Variants in CCDC171 observed in about 807,000 individuals in gnomAD.
The protein encoded by CCDC171 is coiled-coil domain-containing protein 171.
In CCDC171, 177 loss-of-function variants were observed where a neutral mutation model predicts 168.2. The observed-to-expected ratio is 1.05, with a 90% CI of 0.93 to 1.19. The LOEUF is 1.19. CCDC171 is among the 50% of genes most tolerant of loss of function. The pLI, the probability that CCDC171 is intolerant of heterozygous loss-of-function variation, is 0.00. For synonymous variants in CCDC171, 687 were observed against 540.8 expected, an observed-to-expected ratio of 1.27 and a Z score of -3.75; for missense variants, 1,991 against 1,539.0, an observed-to-expected ratio of 1.29 and a Z score of -4.91.
downstream of CCDC171, among the ~76,000 whole-genome samples, chr9:16,065,811 T>G (rs1327984844): frequency 2.0e-5 from 2 of 100,228 alleles, no homozygotes; most frequent in African/African-American, 7.0e-5. Context: ...GTGTGCATGG[T>G]GTGTGTGTGT....
chr9:15,896,703 A>T (rs560307551), intron 24 of CCDC171, among the ~76,000 whole-genome samples: 1 of 152,180 alleles, frequency 6.6e-6, no homozygotes, highest in East Asian at 1.9e-4. Context: ...AAAGCCCTTC[A>T]GTATCTGTGT....
intron 6 of CCDC171, among the ~76,000 whole-genome samples, chr9:15,602,376 T>A (rs945805398): frequency 6.6e-6 from 1 of 152,180 alleles, no homozygotes; most frequent in Non-Finnish European, 1.5e-5. Context: ...TTCAGTTTTT[T>A]AAATAAGTTA....
chr9:15,682,218 A>G (rs987257661), intron 10 of CCDC171, among the ~76,000 whole-genome samples: 3 of 152,100 alleles, frequency 2.0e-5, no homozygotes, highest in Non-Finnish European at 4.4e-5. Context: ...ATGTGTTAGT[A>G]CAGCATAGCC....
intron 25 of CCDC171, 63 bp downstream of exon 25, chr9:15,920,485 G>T: frequency 8.6e-7 from 1 of 1,165,942 alleles, no homozygotes; most frequent in East Asian, 2.5e-5. Flanking sequence ...TTACATTTAT[G>T]TTTTTAATGT....
intron 25 of CCDC171, among the ~76,000 whole-genome samples, chr9:15,935,193 C>A (rs2132205609): frequency 6.6e-6 from 1 of 152,040 alleles, no homozygotes; most frequent in South Asian, 2.1e-4. Context: ...AAAAATATTT[C>A]TTTGAGTTCT....
At chr9:16,065,067 G>C (rs1476330057), downstream of CCDC171, among the ~76,000 whole-genome samples, 1 of 152,194 alleles carries the variant, frequency 6.6e-6, no homozygotes, top group Non-Finnish European at 1.5e-5. Flanking sequence ...TCTTGTGGGG[G>C]TGATGCAATG....
At chr9:15,564,150 T>C (rs761195820) in intron 2 of CCDC171, 21 bp downstream of exon 2, 1 of 1,584,318 alleles carries the variant, frequency 6.3e-7, no homozygotes, top group Admixed American at 1.8e-5. Flanking sequence ...AGTCTCTTCT[T>C]TTAGTTGATG....
intron 20 of CCDC171, among the ~76,000 whole-genome samples, chr9:15,783,931 A>G (rs757291029): frequency 2.0e-5 from 3 of 152,174 alleles, no homozygotes; most frequent in African/African-American, 7.2e-5. Context: ...TGCTTTGGGG[A>G]TGCTACACCT....
At chr9:16,041,998 A>T (rs1225043617), upstream of CCDC171, among the ~76,000 whole-genome samples, 1 of 152,230 alleles carries the variant, frequency 6.6e-6, no homozygotes, top group African/African-American at 2.4e-5. Flanking sequence ...TCTGAGTCTC[A>T]TTCAATCTTC....
intron 21 of CCDC171, among the ~76,000 whole-genome samples, chr9:15,801,784 A>G (rs532488332): frequency 1.3e-3 from 193 of 152,138 alleles, no homozygotes; most frequent in African/African-American, 4.4e-3. Flanking sequence ...ATGTTGATGT[A>G]TGTTCCTTAT....
intron 23 of CCDC171, among the ~76,000 whole-genome samples, chr9:15,855,964 A>G (rs1394988800): frequency 2.0e-5 from 3 of 151,922 alleles, no homozygotes; most frequent in Non-Finnish European, 4.4e-5. Flanking sequence ...CCAAACATAC[A>G]TTAATACTGA....
chr9:15,923,223 T>C (rs1825543354), intron 25 of CCDC171, among the ~76,000 whole-genome samples: 1 of 151,382 alleles, frequency 6.6e-6, no homozygotes, highest in Admixed American at 6.6e-5. Flanking sequence ...CACAGCACTG[T>C]TCACAATAGC....
At chr9:15,769,684 C>G (rs985998226) in intron 18 of CCDC171, among the ~76,000 whole-genome samples, 1 of 152,158 alleles carries the variant, frequency 6.6e-6, no homozygotes, top group Admixed American at 6.5e-5. Context: ...ATCATAGTCT[C>G]CCCCGTACCA....
chr9:15,922,844 A>G (rs887403777), intron 25 of CCDC171, among the ~76,000 whole-genome samples: 2 of 151,372 alleles, frequency 1.3e-5, no homozygotes, highest in African/African-American at 4.8e-5. Flanking sequence ...TTTCATACAC[A>G]AGTCCATTTG....
intron 21 of CCDC171, among the ~76,000 whole-genome samples, chr9:15,806,937 T>A (rs1041108281): frequency 6.6e-6 from 1 of 152,196 alleles, no homozygotes; most frequent in African/African-American, 2.4e-5. Context: ...TTCATTTTTC[T>A]TTGTTTTCAT....
chr9:15,737,275 A>C (rs1377858717), intron 16 of CCDC171, among the ~76,000 whole-genome samples: 1 of 152,132 alleles, frequency 6.6e-6, no homozygotes, highest in African/African-American at 2.4e-5. Context: ...TTTCCTCAAA[A>C]AGTGTAAAAT....
chr9:15,614,440 T>C (rs755840141), intron 6 of CCDC171, among the ~76,000 whole-genome samples: 4 of 152,334 alleles, frequency 2.6e-5, no homozygotes, highest in Admixed American at 6.5e-5. Flanking sequence ...ACTATTCTTA[T>C]TGAGATTCAA....
intron 3 of CCDC171, among the ~76,000 whole-genome samples, chr9:15,989,139 G>A (rs1452390033): frequency 3.9e-5 from 6 of 152,166 alleles, no homozygotes; most frequent in African/African-American, 1.4e-4. Context: ...CCTCAAGTGG[G>A]TCGCTGACCC....
At chr9:16,086,341 T>C in the CCDC171 span, among the ~76,000 whole-genome samples, 1 of 151,128 alleles carries the variant, frequency 6.6e-6, no homozygotes, top group Admixed American at 6.6e-5. Context: ...GGGGTCTTGC[T>C]CTGTTGATGA....
Sources: gnomAD v4.1 joint callset for allele counts (sites outside exome capture counted in the v4.1 genomes callset) on GRCh38, gnomAD v4.1.1 for gene constraint, MANE v1.5 for transcripts, NCBI Gene and HGNC (gene_info 2026-07-23, HGNC 2026-07-21) for gene names.